The following ROBO2 variants were observed in gnomAD, a reference collection of about 807,000 sequenced individuals.
The protein encoded by ROBO2 is roundabout guidance receptor 2.
Under a neutral mutation model 160.8 loss-of-function variants are expected in ROBO2, and 53 were observed. The observed-to-expected ratio is 0.33, with a 90% CI of 0.26 to 0.41. The LOEUF is 0.41. Ranked by LOEUF, ROBO2 falls within the 10% of genes least tolerant of loss-of-function variation. The pLI is 1.00. For synonymous variants in ROBO2, 664 were observed against 611.7 expected (o/e 1.09, Z -1.26); for missense variants, 1,577 against 1,722.4 (o/e 0.92, Z 1.49).
chr3:75,997,087 A>G (rs546257484), intron 2 of ROBO2, among the ~76,000 whole-genome samples: 9 of 152,310 alleles, frequency 5.9e-5, no homozygotes, highest in East Asian at 5.8e-4. Context: ...CTGTAACTCA[A>G]TTGTTCAAAG....
intron 2 of ROBO2, among the ~76,000 whole-genome samples, chr3:77,339,180 ACT>A (rs1161981591): frequency 3.3e-5 from 5 of 152,008 alleles, no homozygotes; most frequent in African/African-American, 9.7e-5. Context: ...AAAAATTAAC[ACT>A]CTTTTTTTAA....
chr3:77,477,126 T>A (rs1413851611), intron 2 of ROBO2, among the ~76,000 whole-genome samples: 1 of 152,196 alleles, frequency 6.6e-6, no homozygotes, highest in African/African-American at 2.4e-5. Context: ...CTTGCTTTTT[T>A]AATTAATCGC....
intron 2 of ROBO2, among the ~76,000 whole-genome samples, chr3:77,337,629 G>T (rs374172753): frequency 6.6e-6 from 1 of 151,852 alleles, no homozygotes; most frequent in Non-Finnish European, 1.5e-5. Flanking sequence ...TAGTTAACTC[G>T]CAAATTGCAT....
At chr3:76,805,540 T>G (rs576595518) in intron 2 of ROBO2, among the ~76,000 whole-genome samples, 1 of 152,076 alleles carries the variant, frequency 6.6e-6, no homozygotes, top group African/African-American at 2.4e-5. Flanking sequence ...AATATATATA[T>G]TTCAACAAAT....
chr3:76,805,930 T>C (rs192709358), intron 2 of ROBO2, among the ~76,000 whole-genome samples: 14 of 151,990 alleles, frequency 9.2e-5, no homozygotes, highest in African/African-American at 3.4e-4. Context: ...CTTCTTTGTA[T>C]TGAGGCTTGT....
At chr3:76,608,100 T>G (rs1211394231) in intron 2 of ROBO2, among the ~76,000 whole-genome samples, 1 of 152,244 alleles carries the variant, frequency 6.6e-6, no homozygotes, top group African/African-American at 2.4e-5. Flanking sequence ...TGGACAAAAT[T>G]TAAACTTTGC....
intron 2 of ROBO2, among the ~76,000 whole-genome samples, chr3:77,102,758 G>A (rs767107960): frequency 6.8e-6 from 1 of 147,010 alleles, no homozygotes; most frequent in East Asian, 2.0e-4. Flanking sequence ...TCACCTTTAT[G>A]TTCTGGAACA....
At chr3:76,175,198 T>A (rs2073186442) in intron 2 of ROBO2, among the ~76,000 whole-genome samples, 1 of 152,046 alleles carries the variant, frequency 6.6e-6, no homozygotes, top group Non-Finnish European at 1.5e-5. Flanking sequence ...TTGTGATTTT[T>A]GGACATTGAT....
chr3:75,985,859 G>T (rs1176968866), intron 2 of ROBO2, among the ~76,000 whole-genome samples: 1 of 151,422 alleles, frequency 6.6e-6, no homozygotes, highest in Non-Finnish European at 1.5e-5. Flanking sequence ...TCATCCTATT[G>T]TAGAATATGT....
chr3:77,438,150 C>A (rs549395202), intron 2 of ROBO2, among the ~76,000 whole-genome samples: 1 of 136,552 alleles, frequency 7.3e-6, no homozygotes, highest in African/African-American at 2.5e-5. Context: ...TGCTTGCACG[C>A]TCTCTCTCTG....
At chr3:77,530,778 A>G (rs755665109) in intron 6 of ROBO2, among the ~76,000 whole-genome samples, 1 of 152,050 alleles carries the variant, frequency 6.6e-6, no homozygotes, top group Non-Finnish European at 1.5e-5. Flanking sequence ...CATTCTTTAT[A>G]TGAAAAGAAA....
At chr3:77,101,994 G>T (rs6781442) in intron 2 of ROBO2, among the ~76,000 whole-genome samples, 63,040 of 152,084 alleles carry the variant, frequency 0.41, 15,477 homozygotes, top group African/African-American at 0.68. Context: ...GAGCTGGGAT[G>T]GTGCCAATGC....
At chr3:76,478,680 GTT>G (rs1042265916) in intron 2 of ROBO2, among the ~76,000 whole-genome samples, 24 of 120,886 alleles carry the variant, frequency 2.0e-4, no homozygotes, top group Admixed American at 5.1e-4. Flanking sequence ...TTTTTTCTCT[GTT>G]TTTTTTTTTT....
intron 2 of ROBO2, among the ~76,000 whole-genome samples, chr3:76,493,885 T>C (rs1366675976): frequency 6.6e-6 from 1 of 152,190 alleles, no homozygotes; most frequent in Non-Finnish European, 1.5e-5. Context: ...AAGCTTGATT[T>C]CTTGAATTTG....
At chr3:77,410,654 CTCTTCTTCCTCCTCCTCT>C (rs2076682637) in intron 2 of ROBO2, among the ~76,000 whole-genome samples, 2 of 115,868 alleles carry the variant, frequency 1.7e-5, no homozygotes, top group Non-Finnish European at 3.7e-5. Flanking sequence ...CTTTCTCCTC[CTCTTCTTCCTCCTCCTCT>C]TCCTCCTCCT....
At chr3:76,361,653 T>G (rs2075529142) in intron 2 of ROBO2, among the ~76,000 whole-genome samples, 1 of 152,066 alleles carries the variant, frequency 6.6e-6, no homozygotes, top group Non-Finnish European at 1.5e-5. Context: ...CACCAGATAA[T>G]ATAGTAAGAG....
At chr3:77,119,036 C>T (rs1480372986) in intron 2 of ROBO2, among the ~76,000 whole-genome samples, 1 of 152,030 alleles carries the variant, frequency 6.6e-6, no homozygotes, top group Admixed American at 6.6e-5. Context: ...CTGTGTGCTG[C>T]TCTGATGAAT....
intron 2 of ROBO2, among the ~76,000 whole-genome samples, chr3:76,905,140 T>C (rs2075507862): frequency 6.6e-6 from 1 of 152,144 alleles, no homozygotes. Context: ...ATGGGTTAGA[T>C]AAACGAGTGG....
chr3:76,693,283 G>T lies in ROBO2; in HGVS notation c.110-404731G>T, dbSNP rs201407010. Among the ~76,000 whole-genome samples, 5 of 131,924 alleles carry T rather than the reference G, an allele frequency of 3.8e-5. 1 individual carries two copies. Among genetic ancestry groups the T allele is most frequent in the Admixed American group, 2.3e-4 (3 of 13,098 alleles). The allele number at this position is 131,924 out of a possible 152,430, so 86.5% of individuals were successfully genotyped here. On this transcript the variant is annotated intron_variant, in intron 2 of 26. Transcript: ENST00000487694. ...ATACATGTCTCTCTCTCTATATATA[G>T]TGTGTATCTATATGTAGTGTGTGTA...
Sources: allele counts gnomAD v4.1 joint callset (sites outside exome capture counted in the v4.1 genomes callset), GRCh38; gene constraint gnomAD v4.1.1; transcripts MANE v1.5; gene names NCBI Gene and HGNC (gene_info 2026-07-23, HGNC 2026-07-21).